Variants in KMT5B observed in about 807,000 individuals in gnomAD.
KMT5B encodes histone-lysine N-methyltransferase KMT5B.
KMT5B carries 10 observed loss-of-function variants against 83.2 expected under a neutral mutation model. The observed-to-expected ratio is 0.12, with a 90% CI of 0.07 to 0.20. KMT5B has a LOEUF of 0.20. Among genes scored for constraint, KMT5B ranks in the 10% least tolerant of loss-of-function variants. The pLI is 1.00. For missense variants in KMT5B, 753 were observed against 1,067.2 expected, an observed-to-expected ratio of 0.71 and a Z score of 4.10; for synonymous variants, 349 against 388.8, an observed-to-expected ratio of 0.90 and a Z score of 1.20.
At chr11:68,202,330 A>T (rs1283689534) in intron 1 of KMT5B, among the ~76,000 whole-genome samples, 1 of 152,164 alleles carries the variant, frequency 6.6e-6, no homozygotes, top group Non-Finnish European at 1.5e-5. Flanking sequence ...AAGGAAAGGG[A>T]AACAGCTTGG....
chr11:68,198,437 A>AAAGACAAGACAAGACAAGAC (rs146631548), intron 1 of KMT5B, among the ~76,000 whole-genome samples: 1 of 148,620 alleles, frequency 6.7e-6, no homozygotes, highest in African/African-American at 2.5e-5. Flanking sequence ...GGAAAGGAAA[A>AAAGACAAGACAAGACAAGAC]AAGACAAGAC....
At chr11:68,174,766 G>C (rs1231756973) in intron 5 of KMT5B, among the ~76,000 whole-genome samples, 1 of 151,932 alleles carries the variant, frequency 6.6e-6, no homozygotes, top group African/African-American at 2.4e-5. Context: ...TGGTCTCGAA[G>C]TCCTGGCCTC....
At chr11:68,185,555 C>T (rs1038188783) in intron 3 of KMT5B, among the ~76,000 whole-genome samples, 2 of 152,160 alleles carry the variant, frequency 1.3e-5, no homozygotes, top group South Asian at 2.1e-4. Context: ...CAGCTTTATA[C>T]GTTAATAGAA....
intron 1 of KMT5B, among the ~76,000 whole-genome samples, chr11:68,190,669 G>A (rs12284750): frequency 6.6e-5 from 10 of 152,214 alleles, no homozygotes; most frequent in Non-Finnish European, 1.2e-4. Context: ...AGTAGGAAAA[G>A]GTTATAGAAT....
chr11:68,177,947 A>C (rs1178111359), intron 4 of KMT5B, among the ~76,000 whole-genome samples: 2 of 152,214 alleles, frequency 1.3e-5, no homozygotes, highest in Non-Finnish European at 2.9e-5. Flanking sequence ...CCTACACTAC[A>C]TGGTTATTTG....
At chr11:68,193,489 G>C (rs534977195) in intron 1 of KMT5B, among the ~76,000 whole-genome samples, 2 of 151,722 alleles carry the variant, frequency 1.3e-5, no homozygotes, top group Non-Finnish European at 2.9e-5. Context: ...GTGCATGTGA[G>C]CAGTATGCTT....
rs963158141 is a variant in KMT5B, at chr11:68,166,433, C to T, written c.1174+549G>A. On this transcript the variant is annotated intron_variant, in intron 10 of 10. Coordinates refer to ENST00000304363, the MANE Select transcript of KMT5B (RefSeq NM_017635.5). ...GTAGCCAATACAGCATGTCACAATA[C>T]GGCACTGTTCAAAATGCTCCTCTAT... 1.2e-4 allele frequency: 120 copies of T among 1,007,908 alleles called. 1 individual carries two copies. In the Middle Eastern group the frequency reaches 2.5e-3, roughly 21 times the overall value. The allele number at this position is 1,007,908 out of a possible 1,614,324, so 62.4% of individuals were successfully genotyped here.
In KMT5B at chr11:68,157,479, C is replaced by T. The variant is rs1394109440; in HGVS notation, c.*209G>A. On this transcript the variant is annotated 3_prime_UTR_variant, in exon 11 of 11. Coordinates refer to ENST00000304363, the MANE Select transcript of KMT5B (RefSeq NM_017635.5). Reference sequence around the variant, plus strand: ...GCTTTACCTCTAACTCAGAATTGCACGTAAGAAGGCTATTTAAAAAGTACG... The same window carrying T: ...GCTTTACCTCTAACTCAGAATTGCATGTAAGAAGGCTATTTAAAAAGTACG... 2.6e-5 allele frequency: 17 copies of T among 645,244 alleles called. No homozygotes were observed. The highest frequency in any genetic ancestry group is 4.1e-5 in the Admixed American group (1 of 24,690). 40.0% of individuals were successfully genotyped at this position (645,244 alleles called of 1,614,324 possible).
rs541403518 is a variant in KMT5B, at chr11:68,168,732, T to C, written c.978-1554A>G. On this transcript the variant is annotated intron_variant, in intron 9 of 10. Transcript: ENST00000304363. ...GTGTAGCAGAGAAACATGCTTCAAA[T>C]GTATCCTGGAGTGTCTAGCGCGACT... is the stretch of plus-strand genomic sequence containing the variant. 1.4e-4 allele frequency among the ~76,000 whole-genome samples: 22 copies of C among 152,338 alleles called. No homozygotes were observed. The South Asian group carries it at 4.3e-3, about 30-fold the overall frequency.
chr11:68,174,018 G>A, intron 5 of KMT5B, 105 bp from the exon 6 acceptor site: 1 of 785,754 alleles, frequency 1.3e-6, no homozygotes, highest in Non-Finnish European at 2.2e-6. Flanking sequence ...AAAAATGTAA[G>A]ATCTAGCCTG....
chr11:68,197,828 T>C (rs551661182), intron 1 of KMT5B, among the ~76,000 whole-genome samples: 3 of 152,236 alleles, frequency 2.0e-5, no homozygotes, highest in Non-Finnish European at 4.4e-5. Context: ...CAGGTCCATA[T>C]GATAAAAGCT....
At chr11:68,208,983 G>A (rs944606641) in intron 1 of KMT5B, among the ~76,000 whole-genome samples, 1 of 152,158 alleles carries the variant, frequency 6.6e-6, no homozygotes, top group Non-Finnish European at 1.5e-5. Flanking sequence ...TTTCCAAGGG[G>A]GAAAGTGAAG....
intron 1 of KMT5B, among the ~76,000 whole-genome samples, chr11:68,204,200 T>C (rs1485157147): frequency 2.0e-5 from 3 of 152,152 alleles, no homozygotes; most frequent in Non-Finnish European, 4.4e-5. Context: ...AGACTAAACT[T>C]GTTGAGCTAA....
chr11:68,167,287 G>T, intron 9 of KMT5B, 109 bp from the exon 10 acceptor site: 1 of 1,356,968 alleles, frequency 7.4e-7, no homozygotes, highest in Non-Finnish European at 9.8e-7. Flanking sequence ...GAGCTGCTGA[G>T]GCCTTAATCA....
intron 1 of KMT5B, among the ~76,000 whole-genome samples, chr11:68,203,019 A>G (rs1859646356): frequency 6.6e-6 from 1 of 151,946 alleles, no homozygotes; most frequent in South Asian, 2.1e-4. Context: ...TCTGTCACCC[A>G]GGCTGTAGTG....
Position 68,161,094 on chromosome 11 carries a change from GCCT to G in KMT5B, c.1175-1926_1175-1924del, listed in dbSNP as rs377491630. On this transcript the variant is annotated intron_variant, in intron 10 of 10. Transcript: ENST00000304363. ...ACATGTGGGCTGCTACCAAGGTGGCGCCTCTTTTTAGAATAGTAGGAGTAGTGA... is the reference window on the plus strand; with the variant it reads ...ACATGTGGGCTGCTACCAAGGTGGCGCTTTTTAGAATAGTAGGAGTAGTGA... Among the ~76,000 whole-genome samples, 531 of 152,248 alleles carry G rather than the reference GCCT, an allele frequency of 3.5e-3. 3 individuals are homozygous for G. The highest frequency in any genetic ancestry group is 0.012 in the African/African-American group (503 of 41,534).
chr11:68,180,122 C>T lies in KMT5B; in HGVS notation c.377+10G>A, dbSNP rs1402613945. The stretch of plus-strand genomic sequence containing the variant: ...TCAGTATCTCATTGTTTTTAACACA[C>T]ACTACCTACCTCACAGGGTTGTTGT... On this transcript the variant is annotated intron_variant, in intron 4 of 10. Transcript: ENST00000304363. The T allele has an allele frequency of 1.2e-5, 19 of 1,577,876 alleles. No homozygotes were observed. Among genetic ancestry groups the T allele is most frequent in the Non-Finnish European group, 1.5e-5 (17 of 1,155,904 alleles).
intron 4 of KMT5B, among the ~76,000 whole-genome samples, chr11:68,178,711 A>G (rs1280806896): frequency 6.6e-6 from 1 of 152,254 alleles, no homozygotes; most frequent in Non-Finnish European, 1.5e-5. Context: ...TGATAGTCCA[A>G]ATCAAATCCC....
chr11:68,187,132 G>C (rs1249640917), intron 2 of KMT5B, among the ~76,000 whole-genome samples: 2 of 152,006 alleles, frequency 1.3e-5, no homozygotes, highest in Admixed American at 6.6e-5. Flanking sequence ...TAGTAGCTGG[G>C]ACCACAGGCA....
Sources: gnomAD v4.1 joint callset for allele counts (sites outside exome capture counted in the v4.1 genomes callset) on GRCh38, gnomAD v4.1.1 for gene constraint, MANE v1.5 for transcripts, NCBI Gene and HGNC (gene_info 2026-07-23, HGNC 2026-07-21) for gene names.